FRY: variants seen among roughly 807,000 people sequenced by gnomAD.
FRY encodes protein furry homolog.
In FRY, 128 loss-of-function variants were observed where a neutral mutation model predicts 348.4. The ratio of observed to expected loss-of-function variants is 0.37; its 90% CI spans 0.32 to 0.43. The LOEUF (loss-of-function observed/expected upper bound fraction) is 0.43. Among genes scored for constraint, FRY ranks in the 20% least tolerant of loss-of-function variants. The pLI, the probability that FRY is intolerant of heterozygous loss-of-function variation, is 1.00. For missense variants in FRY, 2,736 were observed against 3,695.2 expected (o/e 0.74, Z 6.73); for synonymous variants, 1,370 against 1,374.7 (o/e 1.00, Z 0.08).
At chr13:32,052,035 C>T (rs1873360499) in intron 1 of FRY, among the ~76,000 whole-genome samples, 1 of 152,146 alleles carries the variant, frequency 6.6e-6, no homozygotes, top group Admixed American at 6.5e-5. Flanking sequence ...TTTTGCTGCT[C>T]AACTTCTAGG....
chr13:32,108,631 G>A (rs776404105), intron 3 of FRY, among the ~76,000 whole-genome samples: 1 of 152,168 alleles, frequency 6.6e-6, no homozygotes, highest in African/African-American at 2.4e-5. Context: ...TCATTGAAAT[G>A]AATGCAATCA....
rs370577230 is a variant in FRY at position 32,294,611 on chromosome 13, C to T, written c.8783+41C>T. 4.5e-5 allele frequency: 64 copies of T among 1,418,926 alleles called. No homozygotes were observed. The Middle Eastern group carries it at 3.0e-3, about 66-fold the overall frequency. 87.9% of individuals were successfully genotyped at this position (1,418,926 alleles called of 1,614,324 possible). ...CTTTTAGAGGTGGTTGCAGGAAATG[C>T]ACACCTGGTTGTTACTCTGTCATGG... On this transcript the variant is annotated intron_variant, in intron 60 of 60. Coordinates refer to ENST00000542859, the MANE Select transcript of FRY (RefSeq NM_023037.3).
At chr13:32,098,850 A>G (rs1258340185) in intron 2 of FRY, among the ~76,000 whole-genome samples, 3 of 152,050 alleles carry the variant, frequency 2.0e-5, no homozygotes, top group Non-Finnish European at 2.9e-5. Context: ...AGAAAATGTT[A>G]CCCATAAGAA....
intron 56 of FRY, 153 bp downstream of exon 56, chr13:32,275,144 C>T (rs761090818): frequency 7.7e-6 from 5 of 646,910 alleles, no homozygotes; most frequent in South Asian, 1.5e-5. Context: ...TTTGGGAGGC[C>T]GAGGTGGGCG....
intron 31 of FRY, among the ~76,000 whole-genome samples, chr13:32,206,897 T>A (rs2138344157): frequency 6.6e-6 from 1 of 152,314 alleles, no homozygotes; most frequent in African/African-American, 2.4e-5. Flanking sequence ...ATTGTTCAGG[T>A]CCACTGAACA....
chr13:32,292,492 C>A (rs1188591444), intron 59 of FRY, among the ~76,000 whole-genome samples: 1 of 151,846 alleles, frequency 6.6e-6, no homozygotes, highest in Non-Finnish European at 1.5e-5. Flanking sequence ...AAGGAAGAGT[C>A]AATCAATAAA....
intron 1 of FRY, among the ~76,000 whole-genome samples, chr13:32,035,715 T>C (rs1872474223): frequency 6.6e-6 from 1 of 152,210 alleles, no homozygotes; most frequent in South Asian, 2.1e-4. Context: ...CTATAACATA[T>C]GGCAAATCTT....
intron 57 of FRY, among the ~76,000 whole-genome samples, chr13:32,277,642 A>C (rs1237117413): frequency 1.6e-5 from 2 of 124,410 alleles, no homozygotes; most frequent in African/African-American, 3.3e-5. Context: ...ACATAGAAAG[A>C]AAATGTTCAT....
At chr13:32,174,877 T>G (rs1479665246) in intron 19 of FRY, among the ~76,000 whole-genome samples, 3 of 152,070 alleles carry the variant, frequency 2.0e-5, no homozygotes, top group African/African-American at 7.2e-5. Context: ...GAATATTCAT[T>G]TATACATTCA....
chr13:32,036,747 A>G (rs1030869011), intron 1 of FRY, among the ~76,000 whole-genome samples: 2 of 149,448 alleles, frequency 1.3e-5, no homozygotes, highest in African/African-American at 5.1e-5. Context: ...CACATTTTCG[A>G]TGAAAAAAAA....
At chr13:32,064,285 G>C (rs1317953176) in intron 1 of FRY, among the ~76,000 whole-genome samples, 1 of 151,154 alleles carries the variant, frequency 6.6e-6, no homozygotes, top group Non-Finnish European at 1.5e-5. Flanking sequence ...CAACCCCTCT[G>C]CCCCAGTTCT....
chr13:32,062,632 AT>A (rs1031730032), intron 1 of FRY, among the ~76,000 whole-genome samples: 2 of 152,170 alleles, frequency 1.3e-5, no homozygotes, highest in African/African-American at 4.8e-5. Flanking sequence ...AACCTAAAAT[AT>A]TTTTTAAATG....
At chr13:32,182,660 G>A (rs750739148) in intron 23 of FRY, among the ~76,000 whole-genome samples, 2 of 152,084 alleles carry the variant, frequency 1.3e-5, no homozygotes, top group Non-Finnish European at 2.9e-5. Context: ...GTTCACATAG[G>A]GTTTTGTTTT....
intron 7 of FRY, among the ~76,000 whole-genome samples, chr13:32,129,665 T>C (rs950677508): frequency 6.6e-6 from 1 of 152,236 alleles, no homozygotes; most frequent in African/African-American, 2.4e-5. Flanking sequence ...CATTAGGGAA[T>C]ATCTCATTCA....
Position 32,228,509 on chromosome 13 carries a change from C to T in FRY, c.5260C>T (p.Leu1754Phe). ...DQSSPVPDSG[L>F]SSSSTSSSIS... ...GTCATCCCCGGTGCCTGACTCAGGG[C>T]TTAGTTCAAGCTCCACCTCCTCTAG... Residue 1754 changes from leucine (L) to phenylalanine (F), a missense_variant, in exon 40 of 61, where the codon CTT becomes TTT. Leu to Phe is a conservative substitution (Grantham distance 22). This residue lies in a region of FRY where 794 missense variants were observed against 977.0 expected (regional missense o/e 0.81). Coordinates refer to ENST00000542859, the MANE Select transcript of FRY (RefSeq NM_023037.3). The T allele has an allele frequency of 6.2e-7, 1 of 1,613,522 alleles. No individual in the cohort carries two copies. The highest frequency in any genetic ancestry group is 8.5e-7 in the Non-Finnish European group (1 of 1,179,836).
rs900798205 is a variant in FRY at position 32,210,809 on chromosome 13, G to A, written c.4423-57G>A. 1.4e-5 allele frequency: 20 copies of A among 1,424,028 alleles called. No individual in the cohort carries two copies. The African/African-American group carries it at 2.5e-4, about 18-fold the overall frequency. The allele number at this position is 1,424,028 out of a possible 1,614,324, so 88.2% of individuals were successfully genotyped here. A position where few individuals can be genotyped will look rare whatever the true frequency, so the allele number is the denominator to read the frequency against. Reference sequence around the variant, plus strand: ...TCTAAATGAGAGGTTTACTGGCCTAGTGTTCCTGTGGACTAGGCTCTGTGA... The same window carrying A: ...TCTAAATGAGAGGTTTACTGGCCTAATGTTCCTGTGGACTAGGCTCTGTGA... On this transcript the variant is annotated intron_variant, in intron 33 of 60. Coordinates refer to ENST00000542859, the MANE Select transcript of FRY (RefSeq NM_023037.3).
At chr13:32,102,439 G>T (rs1877226650) in intron 3 of FRY, among the ~76,000 whole-genome samples, 1 of 152,162 alleles carries the variant, frequency 6.6e-6, no homozygotes, top group Non-Finnish European at 1.5e-5. Context: ...CCTACTATTT[G>T]CTTGACGCTG....
At chr13:32,276,771 A>T (rs1373736538) in intron 57 of FRY, among the ~76,000 whole-genome samples, 2 of 152,218 alleles carry the variant, frequency 1.3e-5, no homozygotes, top group Non-Finnish European at 2.9e-5. Flanking sequence ...GAAATTTTTC[A>T]GCATTCACTT....
intron 1 of FRY, among the ~76,000 whole-genome samples, chr13:32,076,993 T>C (rs1875113240): frequency 6.6e-6 from 1 of 152,124 alleles, no homozygotes; most frequent in African/African-American, 2.4e-5. Flanking sequence ...AACTGATCAG[T>C]GAGGACTGGC....
Sources: allele counts gnomAD v4.1 joint callset (sites outside exome capture counted in the v4.1 genomes callset), GRCh38; gene constraint gnomAD v4.1.1; regional missense constraint gnomAD v4.1.1; transcripts MANE v1.5; gene names NCBI Gene and HGNC (gene_info 2026-07-23, HGNC 2026-07-21).